SGCG: variants seen among roughly 807,000 people sequenced by gnomAD.
The protein encoded by SGCG is gamma-sarcoglycan.
Under a neutral mutation model 29.3 loss-of-function variants are expected in SGCG, and 26 were observed. That is an observed-to-expected ratio of 0.89 (90% CI 0.65 to 1.23). The LOEUF is 1.23. Ranked by LOEUF, SGCG falls within the 50% of genes most tolerant of loss-of-function variation. The pLI is 0.00. For synonymous variants in SGCG, 145 were observed against 129.7 expected (o/e 1.12, Z -0.80); for missense variants, 353 against 356.0 (o/e 0.99, Z 0.07).
rs1355583877 is a variant in SGCG, at chr13:23,241,161, AAAG to A, written c.297+6461_297+6463del. Among the ~76,000 whole-genome samples, 10 of 150,070 alleles carry A rather than the reference AAAG, an allele frequency of 6.7e-5. No homozygotes were observed. The East Asian group carries it at 7.8e-4, about 12-fold the overall frequency. On this transcript the variant is annotated intron_variant, in intron 3 of 7. Transcript: ENST00000218867. The stretch of plus-strand genomic sequence containing the variant: ...GAGACTCCATCTCAAAAAAAAAAAA[AAAG>A]AAGAAGAAGAAAATCGATGACCTCA...
At chr13:23,305,640 CAA>C (rs1882336694) in intron 6 of SGCG, among the ~76,000 whole-genome samples, 1 of 152,120 alleles carries the variant, frequency 6.6e-6, no homozygotes, top group Non-Finnish European at 1.5e-5. Flanking sequence ...CTCCATTAAC[CAA>C]AATGATGTGA....
chr13:23,199,472 A>G (rs9580571), intron 1 of SGCG, among the ~76,000 whole-genome samples: 34,350 of 152,196 alleles, frequency 0.23, 4,181 homozygotes, highest in East Asian at 0.35. Context: ...GAAGCTGGTT[A>G]AACCAGATAG....
intron 1 of SGCG, among the ~76,000 whole-genome samples, chr13:23,194,348 T>C (rs1240552981): frequency 4.6e-5 from 7 of 152,166 alleles, no homozygotes; most frequent in Non-Finnish European, 8.8e-5. Context: ...TCCAGGACTG[T>C]TTCGGGTGCA....
At chr13:23,171,230 A>G in the SGCG span, among the ~76,000 whole-genome samples, 1 of 152,320 alleles carries the variant, frequency 6.6e-6, no homozygotes, top group Non-Finnish European at 1.5e-5. Flanking sequence ...CTAACCATTT[A>G]ACATGTATTT....
chr13:23,179,537 T>C (rs1876663135), upstream of SGCG, among the ~76,000 whole-genome samples: 1 of 152,232 alleles, frequency 6.6e-6, no homozygotes, highest in South Asian at 2.1e-4. Flanking sequence ...AGACATACAC[T>C]CATACAAAAA....
At chr13:23,166,224 G>A in the SGCG span, among the ~76,000 whole-genome samples, 91 of 146,090 alleles carry the variant, frequency 6.2e-4, 1 homozygote, top group African/African-American at 2.1e-3. Flanking sequence ...TTTACCGAGA[G>A]TTTTGTTTGT....
the SGCG span, among the ~76,000 whole-genome samples, chr13:23,161,038 C>T: frequency 6.6e-6 from 1 of 152,008 alleles, no homozygotes; most frequent in African/African-American, 2.4e-5. Context: ...AAAACTTTGC[C>T]CTGGGTTGCT....
At chr13:23,223,707 T>C (rs1169873268) in intron 2 of SGCG, among the ~76,000 whole-genome samples, 3 of 152,178 alleles carry the variant, frequency 2.0e-5, no homozygotes, top group Non-Finnish European at 4.4e-5. Context: ...CTCATGCCTG[T>C]AATCCCAGCC....
chr13:23,292,083 T>C (rs577066587), intron 5 of SGCG, among the ~76,000 whole-genome samples: 11 of 151,720 alleles, frequency 7.3e-5, no homozygotes, highest in African/African-American at 2.7e-4. Flanking sequence ...CTAGTGCCAA[T>C]GAGCCTTCTT....
upstream of SGCG, among the ~76,000 whole-genome samples, chr13:23,176,136 T>C (rs953343435): frequency 1.3e-5 from 2 of 152,212 alleles, no homozygotes; most frequent in Non-Finnish European, 2.9e-5. Context: ...CTTTTATTAC[T>C]GTTATACTGA....
At chr13:23,290,632 G>A (rs956478869) in intron 5 of SGCG, among the ~76,000 whole-genome samples, 13 of 152,144 alleles carry the variant, frequency 8.5e-5, no homozygotes. Context: ...ATTATGTGGT[G>A]ACATTAAGCG....
chr13:23,273,624 C>T (rs1158627676), intron 4 of SGCG, among the ~76,000 whole-genome samples: 1 of 152,200 alleles, frequency 6.6e-6, no homozygotes, highest in Non-Finnish European at 1.5e-5. Flanking sequence ...GTTTGTATTT[C>T]ACCCAAAAGT....
chr13:23,174,944 G>C, the SGCG span, among the ~76,000 whole-genome samples: 2 of 152,230 alleles, frequency 1.3e-5, no homozygotes, highest in South Asian at 2.1e-4. Flanking sequence ...CTGGAGACGA[G>C]AGCGGCGTGC....
intron 4 of SGCG, among the ~76,000 whole-genome samples, chr13:23,251,121 C>A (rs901672332): frequency 6.6e-6 from 1 of 152,208 alleles, no homozygotes. Flanking sequence ...TCTCTCCTCC[C>A]CATGTGCTCC....
chr13:23,242,089 G>T (rs928157820), intron 3 of SGCG, among the ~76,000 whole-genome samples: 31 of 152,126 alleles, frequency 2.0e-4, no homozygotes, highest in African/African-American at 7.5e-4. Context: ...ATGGTAGAAG[G>T]GACACTGCTA....
At chr13:23,249,690 G>A (rs1879884398) in intron 3 of SGCG, among the ~76,000 whole-genome samples, 1 of 152,078 alleles carries the variant, frequency 6.6e-6, no homozygotes, top group African/African-American at 2.4e-5. Context: ...TTTGACTCAG[G>A]AAAATTGATC....
chr13:23,216,003 A>G (rs1878412724), intron 2 of SGCG, among the ~76,000 whole-genome samples: 1 of 152,142 alleles, frequency 6.6e-6, no homozygotes, highest in East Asian at 1.9e-4. Flanking sequence ...GTAAAAGAGG[A>G]TAATTATCTA....
At chr13:23,165,771 C>T in the SGCG span, among the ~76,000 whole-genome samples, 1 of 152,192 alleles carries the variant, frequency 6.6e-6, no homozygotes, top group Non-Finnish European at 1.5e-5. Flanking sequence ...AGGTGATCCA[C>T]CTGCCTTGGC....
chr13:23,171,530 A>T, the SGCG span, among the ~76,000 whole-genome samples: 1 of 152,202 alleles, frequency 6.6e-6, no homozygotes, highest in East Asian at 1.9e-4. Flanking sequence ...TGTCAAACCA[A>T]GGAGGCTATA....
Sources: gnomAD v4.1 joint callset for allele counts (sites outside exome capture counted in the v4.1 genomes callset) on GRCh38, gnomAD v4.1.1 for gene constraint, MANE v1.5 for transcripts, NCBI Gene and HGNC (gene_info 2026-07-23, HGNC 2026-07-21) for gene names.